Variants in GNG12 observed in about 807,000 individuals in gnomAD.
GNG12 encodes guanine nucleotide-binding protein G(I)/G(S)/G(O) subunit gamma-12.
For synonymous variants in GNG12, 28 were observed against 29.7 expected (o/e 0.94, Z 0.19); for missense variants, 69 against 83.8 (o/e 0.82, Z 0.69).
chr1:67,763,641 T>C (rs1192145713), intron 2 of GNG12, among the ~76,000 whole-genome samples: 1 of 151,786 alleles, frequency 6.6e-6, no homozygotes, highest in East Asian at 1.9e-4. Flanking sequence ...CAAACAACCC[T>C]CCTGCCTCAG....
chr1:67,766,106 GCACACACACA>G (rs59348663), intron 2 of GNG12, among the ~76,000 whole-genome samples: 4,409 of 139,896 alleles, frequency 0.032, 90 homozygotes, highest in Middle Eastern at 0.092. Flanking sequence ...AGGCACACAC[GCACACACACA>G]CACACACACA....
intron 2 of GNG12, among the ~76,000 whole-genome samples, chr1:67,758,298 C>G (rs143009592): frequency 7.0e-4 from 107 of 152,318 alleles, no homozygotes; most frequent in African/African-American, 2.2e-3. Flanking sequence ...CCTATTGCAG[C>G]AACACATTAG....
intron 1 of GNG12, among the ~76,000 whole-genome samples, chr1:67,794,161 G>A (rs993935286): frequency 3.3e-5 from 5 of 152,082 alleles, no homozygotes; most frequent in African/African-American, 2.4e-5. Flanking sequence ...TTTGCTTCCC[G>A]CTTATTACTT....
rs114831783 is a variant in GNG12 at position 67,801,866 on chromosome 1, G to A, written c.-76-24359C>T. On this transcript the variant is annotated intron_variant, in intron 1 of 3. Transcript: ENST00000370982. ...TGAAAAAATGTATACAAGACAACCA[G>A]CATCGTTCTTCGCTCAATAAATTTT... Among the ~76,000 whole-genome samples the A allele has an allele frequency of 3.9e-3, 588 of 151,482 alleles. 4 individuals carry two copies. The highest frequency in any genetic ancestry group is 6.2e-3 in the Non-Finnish European group (420 of 67,960).
At chr1:67,823,074 T>C (rs981931084) in intron 1 of GNG12, among the ~76,000 whole-genome samples, 1 of 152,184 alleles carries the variant, frequency 6.6e-6, no homozygotes, top group Non-Finnish European at 1.5e-5. Context: ...AGAGCTCTGA[T>C]GGTGAAATTA....
At chr1:67,817,689 G>A (rs1646960560) in intron 1 of GNG12, among the ~76,000 whole-genome samples, 1 of 152,084 alleles carries the variant, frequency 6.6e-6, no homozygotes, top group South Asian at 2.1e-4. Flanking sequence ...TGGTCCTTAG[G>A]GAAGAAAGGG....
chr1:67,745,944 T>C (rs1178121385), intron 2 of GNG12, among the ~76,000 whole-genome samples: 2 of 152,186 alleles, frequency 1.3e-5, no homozygotes, highest in Non-Finnish European at 2.9e-5. Context: ...ATTGACCGAA[T>C]TTGTGGAAAG....
At chr1:67,773,827 C>T (rs972427460) in intron 2 of GNG12, among the ~76,000 whole-genome samples, 4 of 152,118 alleles carry the variant, frequency 2.6e-5, no homozygotes, top group East Asian at 1.9e-4. Context: ...AGCATCAAGA[C>T]GGTCATGACA....
At chr1:67,771,656 G>A (rs921479210) in intron 2 of GNG12, among the ~76,000 whole-genome samples, 2 of 152,186 alleles carry the variant, frequency 1.3e-5, no homozygotes, top group African/African-American at 4.8e-5. Context: ...ATCTGTGGGC[G>A]GGAAGGTGGA....
Position 67,707,641 on chromosome 1 carries a change from T to C in GNG12, c.46A>G (p.Arg16Gly). 6.2e-7 allele frequency: 1 copy of C among 1,608,856 alleles called. No individual in the cohort carries two copies. ...ASTNNIAQAR[R>G]TVQQLRLEAS... is the part of the protein sequence containing the mutation. ...TCTAATCTTAACTGCTGCACAGTTC[T>C]CCTTGCCTGGGCTATATTGTTGGTG... The change falls in exon 3 of 4, where the codon AGA (arginine) becomes GGA (glycine). Residue 16 changes from arginine to glycine, a missense_variant. By Grantham distance (125) the Arg-to-Gly change is moderately radical. Transcript: ENST00000370982.
chr1:67,771,723 C>T (rs1348972923), intron 2 of GNG12, among the ~76,000 whole-genome samples: 1 of 152,138 alleles, frequency 6.6e-6, no homozygotes, highest in Non-Finnish European at 1.5e-5. Flanking sequence ...GAATTTGTAT[C>T]CAGTGTTCCA....
intron 1 of GNG12, among the ~76,000 whole-genome samples, chr1:67,786,242 C>T (rs932653176): frequency 4.6e-5 from 7 of 152,004 alleles, no homozygotes; most frequent in Admixed American, 3.9e-4. Flanking sequence ...AACTGAATAC[C>T]CCAGCCTATA....
At chr1:67,815,877 T>C (rs372642213) in intron 1 of GNG12, among the ~76,000 whole-genome samples, 2 of 152,250 alleles carry the variant, frequency 1.3e-5, no homozygotes, top group African/African-American at 2.4e-5. Context: ...TGCAGAGACT[T>C]AGAGTACACT....
At chr1:67,828,329 T>C (rs972511342) in intron 1 of GNG12, among the ~76,000 whole-genome samples, 3 of 152,200 alleles carry the variant, frequency 2.0e-5, no homozygotes, top group Admixed American at 6.5e-5. Flanking sequence ...ATTAGTTTTA[T>C]AGTTTTTAAG....
chr1:67,812,164 T>C (rs1646929761), intron 1 of GNG12, among the ~76,000 whole-genome samples: 1 of 152,192 alleles, frequency 6.6e-6, no homozygotes, highest in Admixed American at 6.5e-5. Context: ...TCCCAGCTCA[T>C]ATTTCATATG....
chr1:67,717,932 G>T (rs1646335833), intron 2 of GNG12, among the ~76,000 whole-genome samples: 1 of 152,152 alleles, frequency 6.6e-6, no homozygotes, highest in Non-Finnish European at 1.5e-5. Flanking sequence ...TCGCTCATTT[G>T]TAAAATGGGA....
chr1:67,802,808 T>A (rs1252639821), intron 1 of GNG12, among the ~76,000 whole-genome samples: 3 of 151,824 alleles, frequency 2.0e-5, no homozygotes, highest in East Asian at 3.9e-4. Flanking sequence ...GTTGGTTTCC[T>A]GCTATAGCAA....
rs184351388 is a variant in GNG12 at position 67,780,281 on chromosome 1, A to G, written c.-76-2774T>C. On this transcript the variant is annotated intron_variant, in intron 1 of 3. Coordinates refer to ENST00000370982, the MANE Select transcript of GNG12 (RefSeq NM_018841.6). ...GAGGTTAAGCCAGTAGTCTAAGGTTACATGGCTTGTAAGTGGCAGAGTCAA... is the reference window on the plus strand; with the variant it reads ...GAGGTTAAGCCAGTAGTCTAAGGTTGCATGGCTTGTAAGTGGCAGAGTCAA... Among the ~76,000 whole-genome samples the G allele has an allele frequency of 4.6e-5, 7 of 152,326 alleles. No individual in the cohort carries two copies. In the East Asian group the frequency reaches 1.3e-3, roughly 29 times the overall value.
At chr1:67,801,385 T>G (rs963389464) in intron 1 of GNG12, among the ~76,000 whole-genome samples, 14 of 152,294 alleles carry the variant, frequency 9.2e-5, no homozygotes, top group African/African-American at 3.1e-4. Context: ...CAAGGTCACA[T>G]AGCTAGGAAG....
Sources: gnomAD v4.1 joint callset for allele counts (sites outside exome capture counted in the v4.1 genomes callset) on GRCh38, gnomAD v4.1.1 for gene constraint, MANE v1.5 for transcripts, NCBI Gene and HGNC (gene_info 2026-07-23, HGNC 2026-07-21) for gene names.